PTPRM: variants seen among roughly 807,000 people sequenced by gnomAD.
The protein encoded by PTPRM is protein tyrosine phosphatase receptor type M.
In PTPRM, 47 loss-of-function variants were observed where a neutral mutation model predicts 186.7. The observed-to-expected ratio is 0.25, with a 90% confidence interval of 0.20 to 0.32. PTPRM has a LOEUF of 0.32. Among genes scored for constraint, PTPRM ranks in the 10% least tolerant of loss-of-function variants. The probability of loss-of-function intolerance (pLI) is 1.00; values close to 1 mark genes in which losing one functional copy is unlikely to be tolerated. For synonymous variants in PTPRM, 668 were observed against 674.9 expected (o/e 0.99, Z 0.16); for missense variants, 1,494 against 1,865.0 (o/e 0.80, Z 3.66).
chr18:8,322,062 T>G (rs1305071390), intron 22 of PTPRM, among the ~76,000 whole-genome samples: 1 of 152,184 alleles, frequency 6.6e-6, no homozygotes, highest in Non-Finnish European at 1.5e-5. Flanking sequence ...AGATGCAGTC[T>G]TTAAATGTCT....
chr18:7,698,840 A>G (rs2039897500), intron 1 of PTPRM, among the ~76,000 whole-genome samples: 1 of 152,210 alleles, frequency 6.6e-6, no homozygotes, highest in Admixed American at 6.5e-5. Context: ...TTCCCTGATG[A>G]CTAGTGAAGC....
intron 14 of PTPRM, among the ~76,000 whole-genome samples, chr18:8,236,574 C>T (rs757780622): frequency 1.3e-5 from 2 of 152,046 alleles, no homozygotes; most frequent in Non-Finnish European, 2.9e-5. Flanking sequence ...TGGGGTCTTG[C>T]TATGTTGCCC....
intron 2 of PTPRM, among the ~76,000 whole-genome samples, chr18:7,798,196 A>G (rs1002500075): frequency 5.9e-5 from 9 of 152,206 alleles, no homozygotes; most frequent in Non-Finnish European, 1.3e-4. Context: ...GTAGCACAAC[A>G]ATGTGAACAT....
At chr18:7,886,905 GTCT>G (rs2048815915) in intron 2 of PTPRM, among the ~76,000 whole-genome samples, 1 of 152,076 alleles carries the variant, frequency 6.6e-6, no homozygotes, top group Non-Finnish European at 1.5e-5. Context: ...TAAAAAAGTG[GTCT>G]TCTTGTTTTG....
intron 1 of PTPRM, among the ~76,000 whole-genome samples, chr18:7,631,127 TTTAA>T (rs1340592558): frequency 3.9e-5 from 6 of 152,214 alleles, no homozygotes; most frequent in Non-Finnish European, 2.9e-5. Context: ...AATGTAAGAC[TTTAA>T]TTAAGAAGGT....
chr18:7,852,762 G>A (rs1291623930), intron 2 of PTPRM, among the ~76,000 whole-genome samples: 1 of 152,138 alleles, frequency 6.6e-6, no homozygotes, highest in East Asian at 1.9e-4. Flanking sequence ...ATGCAGAGGT[G>A]GGAGGATTGC....
At chr18:8,200,267 G>A (rs947487130) in intron 14 of PTPRM, among the ~76,000 whole-genome samples, 11 of 150,256 alleles carry the variant, frequency 7.3e-5, no homozygotes, top group African/African-American at 2.5e-4. Flanking sequence ...TGATCCCATC[G>A]CTGTGCCCCC....
intron 8 of PTPRM, among the ~76,000 whole-genome samples, chr18:8,075,334 T>C (rs1276508822): frequency 6.6e-6 from 1 of 152,128 alleles, no homozygotes; most frequent in Non-Finnish European, 1.5e-5. Flanking sequence ...ACTGTCTTGA[T>C]TACTGTAGCT....
At chr18:8,162,588 G>C (rs762569779) in intron 14 of PTPRM, among the ~76,000 whole-genome samples, 1 of 152,134 alleles carries the variant, frequency 6.6e-6, no homozygotes. Context: ...GGGACCACCC[G>C]CTACCTCCTC....
At chr18:8,304,209 T>C (rs1042111660) in intron 20 of PTPRM, among the ~76,000 whole-genome samples, 1 of 152,144 alleles carries the variant, frequency 6.6e-6, no homozygotes, top group South Asian at 2.1e-4. Flanking sequence ...TCATGTTTAA[T>C]ATGGAAGTGT....
At chr18:8,404,121 A>G (rs1055501752) in intron 32 of PTPRM, 6 of 152,170 alleles carry the variant, frequency 3.9e-5, no homozygotes, top group Non-Finnish European at 7.3e-5. Context: ...CCTTTTGAGG[A>G]GCTGCCAGAC....
chr18:8,197,106 A>T (rs1395326308), intron 14 of PTPRM, among the ~76,000 whole-genome samples: 2 of 152,214 alleles, frequency 1.3e-5, no homozygotes, highest in Non-Finnish European at 2.9e-5. Flanking sequence ...GCCCATAAGA[A>T]ATATTCAGAA....
chr18:8,248,332 A>G lies in PTPRM; in HGVS notation c.2554+156A>G, dbSNP rs932263273. ...GGCCTGGGTCATGGGGTTAAAGGAA[A>G]AAGAGACTTTTCTCTAAACAGTCGC... On this transcript the variant is annotated intron_variant, in intron 17 of 32. Transcript: ENST00000580170. The G allele has an allele frequency of 6.4e-6, 5 of 779,688 alleles. No individual in the cohort carries two copies. The East Asian group carries it at 7.3e-5, about 11-fold the overall frequency. The allele number at this position is 779,688 out of a possible 1,614,324, so 48.3% of individuals were successfully genotyped here.
intron 7 of PTPRM, 127 bp from the exon 8 acceptor site, chr18:8,069,559 T>G: frequency 4.8e-6 from 4 of 842,012 alleles, no homozygotes; most frequent in Non-Finnish European, 7.2e-6. Context: ...ATTTAGGGAT[T>G]TATTATCCAG....
Position 8,376,594 on chromosome 18 carries a change from A to G in PTPRM, c.3459A>G (p.Thr1153=). 1 of 1,612,304 alleles carries G rather than the reference A, an allele frequency of 6.2e-7. No individual in the cohort carries two copies. Among genetic ancestry groups the G allele is most frequent in the Non-Finnish European group, 8.5e-7 (1 of 1,179,450 alleles). ...LRSRRVNMVQ[T]EEQYVFIHDA... ...CACGGAGGGTGAACATGGTGCAAAC[A>G]GAGGTACTCCCGCTCATCACCTAGC... The change falls in exon 26 of 33, where the codon ACA becomes ACG. Residue 1153 remains threonine (T), a synonymous_variant. Coordinates refer to ENST00000580170, the MANE Select transcript of PTPRM (RefSeq NM_001105244.2).
intron 4 of PTPRM, among the ~76,000 whole-genome samples, chr18:7,923,137 G>A (rs553712377): frequency 2.8e-4 from 42 of 152,268 alleles, no homozygotes; most frequent in South Asian, 6.2e-4. Flanking sequence ...TTAACTGAGC[G>A]GGGTAAAATT....
At chr18:7,726,932 A>G (rs767525898) in intron 1 of PTPRM, among the ~76,000 whole-genome samples, 43 of 152,216 alleles carry the variant, frequency 2.8e-4, no homozygotes, top group Admixed American at 2.1e-3. Flanking sequence ...AATAGAGGAT[A>G]TCAGCCTTGA....
At chr18:7,774,456 C>T (rs1329396705) in intron 2 of PTPRM, among the ~76,000 whole-genome samples, 185 bp downstream of exon 2, 3 of 152,150 alleles carry the variant, frequency 2.0e-5, no homozygotes, top group Non-Finnish European at 4.4e-5. Flanking sequence ...ATCTCTCTCC[C>T]CTTAAAGTCT....
At chr18:7,570,027 G>A (rs909290403) in intron 1 of PTPRM, among the ~76,000 whole-genome samples, 7 of 152,172 alleles carry the variant, frequency 4.6e-5, no homozygotes, top group African/African-American at 1.7e-4. Flanking sequence ...TCTAGAGGCA[G>A]AGGCAGGAGG....
Sources: gnomAD v4.1 joint callset for allele counts (sites outside exome capture counted in the v4.1 genomes callset) on GRCh38, gnomAD v4.1.1 for gene constraint, MANE v1.5 for transcripts, NCBI Gene and HGNC (gene_info 2026-07-23, HGNC 2026-07-21) for gene names.